The following FREM1 variants were observed in gnomAD, a reference collection of about 807,000 sequenced individuals.
The protein encoded by FREM1 is FRAS1 related extracellular matrix 1, also known as FRAS1-related extracellular matrix protein 1.
Under a neutral mutation model 210.1 loss-of-function variants are expected in FREM1, and 220 were observed. The observed-to-expected ratio is 1.05, with a 90% CI of 0.94 to 1.17. The LOEUF is 1.17. Ranked by LOEUF, FREM1 falls within the 50% of genes most tolerant of loss-of-function variation. The pLI, the probability that FREM1 is intolerant of heterozygous loss-of-function variation, is 0.00. For synonymous variants in FREM1, 1,189 were observed against 980.2 expected, an observed-to-expected ratio of 1.21 and a Z score of -3.98; for missense variants, 3,454 against 2,675.5, an observed-to-expected ratio of 1.29 and a Z score of -6.42.
chr9:14,801,380 A>C (rs1292507765), intron 20 of FREM1, among the ~76,000 whole-genome samples: 1 of 152,162 alleles, frequency 6.6e-6, no homozygotes, highest in Non-Finnish European at 1.5e-5. Flanking sequence ...GAACTCTTAA[A>C]ATCTACTGTC....
At chr9:14,811,998 T>A (rs1055461455) in intron 16 of FREM1, among the ~76,000 whole-genome samples, 2 of 152,072 alleles carry the variant, frequency 1.3e-5, no homozygotes, top group African/African-American at 4.8e-5. Context: ...ACCAAGGAAG[T>A]TTCCCCAACC....
chr9:14,907,181 T>C (rs1588695891), intron 1 of FREM1, among the ~76,000 whole-genome samples: 1 of 150,390 alleles, frequency 6.6e-6, no homozygotes, highest in Admixed American at 6.6e-5. Context: ...CACTCAAACA[T>C]ATTATCTTCA....
intron 27 of FREM1, among the ~76,000 whole-genome samples, chr9:14,764,231 C>G (rs1268402677): frequency 1.3e-5 from 2 of 152,202 alleles, no homozygotes; most frequent in Non-Finnish European, 2.9e-5. Flanking sequence ...TGTGAGTCCT[C>G]CCCAACTATT....
chr9:14,907,762 T>C (rs1351457546), intron 1 of FREM1, among the ~76,000 whole-genome samples: 2 of 152,188 alleles, frequency 1.3e-5, no homozygotes, highest in Non-Finnish European at 2.9e-5. Flanking sequence ...ATTCTCAGAG[T>C]AAATGCTGAA....
At chr9:14,818,061 A>T (rs1820624209) in intron 14 of FREM1, among the ~76,000 whole-genome samples, 1 of 152,184 alleles carries the variant, frequency 6.6e-6, no homozygotes, top group Admixed American at 6.5e-5. Context: ...CAAATTCCTC[A>T]ATCTCTTTGT....
At chr9:14,851,660 A>C in intron 5 of FREM1, 53 bp from the exon 6 acceptor site, 1 of 1,281,908 alleles carries the variant, frequency 7.8e-7, no homozygotes, top group Non-Finnish European at 1.1e-6. Flanking sequence ...ATGAGGTGAT[A>C]TCATACAGGG....
chr9:14,841,620 T>G, intron 9 of FREM1, 31 bp from the exon 10 acceptor site: 1 of 1,505,234 alleles, frequency 6.6e-7, no homozygotes, highest in Non-Finnish European at 9.0e-7. Flanking sequence ...CACATACTTT[T>G]GTACAAGCCT....
intron 23 of FREM1, 148 bp downstream of exon 23, chr9:14,788,771 T>C (rs1352546819): frequency 4.4e-6 from 3 of 682,204 alleles, no homozygotes; most frequent in African/African-American, 1.8e-5. Context: ...AGCCAAAGGA[T>C]CTAAACACAA....
intron 18 of FREM1, 30 bp from the exon 19 acceptor site, chr9:14,805,182 TA>T (rs752430848): frequency 1.2e-3 from 1,593 of 1,350,798 alleles, no homozygotes; most frequent in South Asian, 1.7e-3. Flanking sequence ...AACAGATAAA[TA>T]AAAAAAAAAT....
intron 1 of FREM1, among the ~76,000 whole-genome samples, chr9:14,889,764 C>G (rs1485989487): frequency 6.6e-6 from 1 of 151,988 alleles, no homozygotes; most frequent in Non-Finnish European, 1.5e-5. Flanking sequence ...TGTCCGGGGC[C>G]TTGTAAATTA....
chr9:14,815,872 T>C (rs190814966), intron 15 of FREM1, among the ~76,000 whole-genome samples: 1 of 152,308 alleles, frequency 6.6e-6, no homozygotes, highest in Admixed American at 6.5e-5. Context: ...GGTCTTGAAA[T>C]CCTGACCTCA....
In FREM1 at chr9:14,857,675, T is replaced by A; in HGVS notation, c.706A>T (p.Ser236Cys). The A allele has an allele frequency of 1.2e-6, 2 of 1,613,518 alleles. No individual in the cohort carries two copies. Among genetic ancestry groups the A allele is most frequent in the Non-Finnish European group, 8.5e-7 (1 of 1,179,502 alleles). ...GLKKIGSLKVSCEEFLLMGLR... is the reference protein window; with the variant it reads ...GLKKIGSLKVCCEEFLLMGLR... The stretch of plus-strand genomic sequence containing the variant: ...CCCATCAGCAGGAACTCCTCACAGC[T>A]CACTTTGAGGCTTCCTATTTTCTTT... The change falls in exon 5 of 37, where the codon AGC (serine) becomes TGC (cysteine). Residue 236 changes from serine (S) to cysteine (C), a missense_variant. Physicochemically the swap from Ser to Cys is moderately radical, Grantham distance 112. Transcript: ENST00000380880.
intron 1 of FREM1, among the ~76,000 whole-genome samples, chr9:14,890,188 C>A (rs180921782): frequency 6.6e-6 from 1 of 152,240 alleles, no homozygotes; most frequent in African/African-American, 2.4e-5. Context: ...TGTGCCAAGG[C>A]ACCCTATTTG....
chr9:14,769,235 C>T (rs112475597), intron 27 of FREM1, among the ~76,000 whole-genome samples: 2 of 152,276 alleles, frequency 1.3e-5, no homozygotes, highest in African/African-American at 4.8e-5. Flanking sequence ...AAGTTTATCA[C>T]CTTATAAACA....
intron 4 of FREM1, 146 bp downstream of exon 4, chr9:14,859,037 T>G (rs1827010957): frequency 1.7e-6 from 1 of 575,968 alleles, no homozygotes; most frequent in Admixed American, 3.3e-5. Context: ...GATTGTAAAG[T>G]CTGTGCTCTT....
At chr9:14,809,879 GATGT>G (rs111568448) in intron 16 of FREM1, among the ~76,000 whole-genome samples, 106,257 of 150,342 alleles carry the variant, frequency 0.71, 37,793 homozygotes, top group Admixed American at 0.8. Context: ...GAATAGCACA[GATGT>G]ATGTATGTAT....
At chr9:14,826,431 A>G (rs1405988124) in intron 10 of FREM1, among the ~76,000 whole-genome samples, 2 of 151,692 alleles carry the variant, frequency 1.3e-5, no homozygotes, top group Non-Finnish European at 2.9e-5. Flanking sequence ...TCAATCCAAC[A>G]CTCTAATTAT....
At chr9:14,750,393 T>C in intron 29 of FREM1, 117 bp from the exon 30 acceptor site, 1 of 719,060 alleles carries the variant, frequency 1.4e-6, no homozygotes, top group Non-Finnish European at 2.2e-6. Context: ...AGTGAGCTAT[T>C]GTACTGCTAC....
In FREM1 at chr9:14,846,059, T is replaced by C. The variant is rs1456779036; in HGVS notation, c.1294A>G (p.Ile432Val). 6.3e-7 allele frequency: 1 copy of C among 1,596,094 alleles called. No homozygotes were observed. Among genetic ancestry groups the C allele is most frequent in the Non-Finnish European group, 8.5e-7 (1 of 1,170,458 alleles). ...ACAACCTGAAACTGTTCCCAAGTGA[T>C]GGCTCGAGACTGCCCCTCAAGGAGA... ...LSLLEGQSRA[I>V]TWEQFQVVDN... The change falls in exon 8 of 37, where the codon ATC becomes GTC. Residue 432 changes from isoleucine to valine, a missense_variant. Ile to Val is a conservative substitution (Grantham distance 29). Transcript: ENST00000380880.
Sources: allele counts gnomAD v4.1 joint callset (sites outside exome capture counted in the v4.1 genomes callset), GRCh38; gene constraint gnomAD v4.1.1; transcripts MANE v1.5; gene names NCBI Gene and HGNC (gene_info 2026-07-23, HGNC 2026-07-21).